PLXNA3: variants seen among roughly 807,000 people sequenced by gnomAD.
PLXNA3 encodes the protein plexin-A3.
A neutral mutation model predicts 118.8 loss-of-function variants in PLXNA3; 52 were observed. The ratio of observed to expected loss-of-function variants is 0.44; its 90% confidence interval spans 0.35 to 0.55. The LOEUF is 0.55. Ranked by LOEUF, PLXNA3 falls within the 20% of genes least tolerant of loss-of-function variation. The pLI, the probability that PLXNA3 is intolerant of heterozygous loss-of-function variation, is 0.01. For missense variants in PLXNA3, 1,660 were observed against 1,730.8 expected, an observed-to-expected ratio of 0.96 and a Z score of 0.73; for synonymous variants, 925 against 762.4, an observed-to-expected ratio of 1.21 and a Z score of -3.51.
chrX:154,469,290 C>A, intron 26 of PLXNA3, 75 bp downstream of exon 26: 1 of 1,156,976 alleles, frequency 8.6e-7, no homozygotes, highest in African/African-American at 1.8e-5. Context: ...GGCTCTCCCG[C>A]TCCCCACCTG....
intron 3 of PLXNA3, among the ~76,000 whole-genome samples, 197 bp from the exon 4 acceptor site, chrX:154,461,931 C>T (rs1557204775): frequency 8.9e-6 from 1 of 112,394 alleles, no homozygotes; most frequent in Non-Finnish European, 1.9e-5. Context: ...CCAGGCTTCG[C>T]TCCTCGCTCC....
chrX:154,461,674 C>T, intron 3 of PLXNA3, 36 bp downstream of exon 3: 1 of 1,130,748 alleles, frequency 8.8e-7, no homozygotes, highest in Non-Finnish European at 1.2e-6. Flanking sequence ...GTCCTCTGCC[C>T]TGTCCCAGGT....
Position 154,462,141 on chromosome X carries a change from A to C in PLXNA3, c.1148A>C (p.Asn383Thr), listed in dbSNP as rs1557204906. 8.4e-7 allele frequency: 1 copy of C among 1,194,078 alleles called. No individual in the cohort carries two copies. Among genetic ancestry groups the C allele is most frequent in the South Asian group, 1.8e-5 (1 of 54,965 alleles). Reference sequence around the variant, plus strand: ...CTGTTTCACCAGCCCATGCAGATCAACGGCAACTTCTGTGGGCTGGTGTTG... The same window carrying C: ...CTGTTTCACCAGCCCATGCAGATCACCGGCAACTTCTGTGGGCTGGTGTTG... ...LPCINTPMQI[N>T]GNFCGLVLNQ... The change falls in exon 4 of 33, where the codon AAC becomes ACC. Residue 383 changes from asparagine (N) to threonine (T), a missense_variant. Physicochemically the swap from Asn to Thr is moderately conservative, Grantham distance 65. Coordinates refer to ENST00000369682, the MANE Select transcript of PLXNA3 (RefSeq NM_017514.5).
Position 154,464,821 on chromosome X carries a change from C to T in PLXNA3, c.1996C>T (p.Arg666Cys), listed in dbSNP as rs781857058. 7.6e-5 allele frequency: 92 copies of T among 1,206,485 alleles called. 1 individual carries two copies. The highest frequency in any genetic ancestry group is 2.9e-4 in the South Asian group (16 of 56,121). ...WCKYRHTCTS[R>C]PHECSFQEGR... ...TAAGTACCGCCACACGTGTACCAGC[C>T]GCCCCCACGAGTGCTCCTTCCAGGA... Residue 666 changes from arginine to cysteine, a missense_variant, in exon 10 of 33, where the codon CGC becomes TGC. Arg to Cys is a radical substitution (Grantham distance 180). This residue lies in a region of PLXNA3 where 791 missense variants were observed against 652.1 expected (regional missense o/e 1.21). Coordinates refer to ENST00000369682, the MANE Select transcript of PLXNA3 (RefSeq NM_017514.5).
chrX:154,475,653 C>G lies in PLXNA3; in HGVS notation c.*2968C>G, dbSNP rs943769527. 1 of 112,259 alleles carries G rather than the reference C, an allele frequency of 8.9e-6. No individual in the cohort carries two copies. The highest frequency in any genetic ancestry group is 1.9e-5 in the Non-Finnish European group (1 of 53,222). 9.3% of individuals were successfully genotyped at this position (112,259 alleles called of 1,213,427 possible). ...CGTGTGAGGCAGGACTGGATTGTAG[C>G]CCAGGATAAAGAGAAGTTGCGGGAT... On this transcript the variant is annotated 3_prime_UTR_variant, in exon 33 of 33. Coordinates refer to ENST00000369682, the MANE Select transcript of PLXNA3 (RefSeq NM_017514.5).
rs782162992 is a variant in PLXNA3 at position 154,470,840 on chromosome X, T to G, written c.5156+229T>G. The G allele has an allele frequency of 4.6e-4, 207 of 447,772 alleles. 2 individuals are homozygous for G. The highest frequency in any genetic ancestry group is 2.3e-3 in the South Asian group (70 of 30,132). The allele number at this position is 447,772 out of a possible 1,213,427, so 36.9% of individuals were successfully genotyped here. ...TGGTGGTGGTGAGGCCTTTGCCCTC[T>G]GGGGTCTTGCACCAGGTAGAGATGC... On this transcript the variant is annotated intron_variant, in intron 30 of 32. Transcript: ENST00000369682.
intron 3 of PLXNA3, among the ~76,000 whole-genome samples, 188 bp downstream of exon 3, chrX:154,461,826 G>A (rs781997555): frequency 8.9e-6 from 1 of 112,044 alleles, no homozygotes; most frequent in Non-Finnish European, 1.9e-5. Flanking sequence ...GGGCTGCCCA[G>A]TGCCCCACTT....
intron 5 of PLXNA3, 30 bp from the exon 6 acceptor site, chrX:154,463,560 T>TTGGGGGGGGGGGGGG: frequency 1.6e-6 from 1 of 630,307 alleles, no homozygotes; most frequent in Non-Finnish European, 2.3e-6. Context: ...GGGGCGGGGG[T>TTGGGGGGGGGGGGGG]GGGCTGGGTG....
chrX:154,459,172 C>T (rs1383133593), intron 1 of PLXNA3, among the ~76,000 whole-genome samples: 1 of 108,964 alleles, frequency 9.2e-6, no homozygotes, highest in African/African-American at 3.3e-5. Context: ...CCGCTCCCCC[C>T]CCGCCTCCCG....
rs2069111020 is a variant in PLXNA3 at position 154,467,625 on chromosome X, C to T, written c.3522C>T (p.Leu1174=). The T allele has an allele frequency of 8.3e-7, 1 of 1,210,073 alleles. No individual in the cohort carries two copies. Among genetic ancestry groups the T allele is most frequent in the Non-Finnish European group, 1.1e-6 (1 of 895,066 alleles). ...TGATAGGAGGCCAGCCGTGTTCGCT[C>T]ACTGTCTCGGACACACAACTCCTGT... The part of the protein sequence containing the change: ...TVLIGGQPCS[L]TVSDTQLLCD... Residue 1174 remains leucine (L), a synonymous_variant, in exon 20 of 33, where the codon CTC becomes CTT. Transcript: ENST00000369682.
chrX:154,475,773 A>G lies in PLXNA3; in HGVS notation c.*3088A>G, dbSNP rs1557210780. 1.8e-5 allele frequency: 2 copies of G among 112,177 alleles called. No homozygotes were observed. The highest frequency in any genetic ancestry group is 3.7e-4 in the South Asian group (1 of 2,732). The allele number at this position is 112,177 out of a possible 1,213,427, so 9.2% of individuals were successfully genotyped here. On this transcript the variant is annotated 3_prime_UTR_variant, in exon 33 of 33. Transcript: ENST00000369682. ...ATACTACCATCATATGATAATGACA[A>G]CTAAGCCACAGGAAAACAAGGCAGT... is the stretch of plus-strand genomic sequence containing the variant.
Position 154,466,532 on chromosome X carries a change from G to A in PLXNA3, c.2936+20G>A. 1 of 1,200,990 alleles carries A rather than the reference G, an allele frequency of 8.3e-7. No homozygotes were observed. The highest frequency in any genetic ancestry group is 1.1e-6 in the Non-Finnish European group (1 of 889,809). On this transcript the variant is annotated intron_variant, in intron 16 of 32. Transcript: ENST00000369682. ...TGTAAGGTGGGCCGGGGCCCTGCCA[G>A]CTTTGGGTTGGGCATCGTGTGGGGG...
At position 154,467,483 on chromosome X, in the gene PLXNA3, G is replaced by C. The variant is rs368128330; in HGVS notation, c.3441+12G>C. 2.6e-6 allele frequency: 3 copies of C among 1,156,227 alleles called. No individual in the cohort carries two copies. Reference sequence around the variant, plus strand: ...ACGTGGTGCTGAAGGTGCGGGCGGGGTGGGGGCGGGGAGGGGCGGGAAAGT... The same window carrying C: ...ACGTGGTGCTGAAGGTGCGGGCGGGCTGGGGGCGGGGAGGGGCGGGAAAGT... On this transcript the variant is annotated intron_variant, in intron 19 of 32. Coordinates refer to ENST00000369682, the MANE Select transcript of PLXNA3 (RefSeq NM_017514.5).
At position 154,461,302 on chromosome X, in the gene PLXNA3, C is replaced by T. The variant is rs188710474; in HGVS notation, c.798C>T (p.Cys266=). The change falls in exon 3 of 33, where the codon TGC becomes TGT. Residue 266 remains cysteine (C), a synonymous_variant. Coordinates refer to ENST00000369682, the MANE Select transcript of PLXNA3 (RefSeq NM_017514.5). ...KFFTSKIVRM[C]AGDSEFYSYV... is the part of the protein sequence containing the mutation. ...TCACGTCCAAGATCGTGCGCATGTG[C>T]GCGGGAGACTCAGAGTTCTACTCAT... The T allele has an allele frequency of 2.4e-4, 293 of 1,211,519 alleles. No homozygotes were observed. Among genetic ancestry groups the T allele is most frequent in the South Asian group, 5.4e-4 (31 of 57,012 alleles).
Position 154,463,586 on chromosome X carries a change from C to A in PLXNA3, c.1447-4C>A. On this transcript the variant is annotated splice_region_variant and splice_polypyrimidine_tract_variant and intron_variant, in intron 5 of 32. Transcript: ENST00000369682. Reference sequence around the variant, plus strand: ...GGGCTGGGTGCTGATGTGGCTGTCCCCAGGTGAGCCAGCTCCCGGTGGAGA... The same window carrying A: ...GGGCTGGGTGCTGATGTGGCTGTCCACAGGTGAGCCAGCTCCCGGTGGAGA... 8.4e-7 allele frequency: 1 copy of A among 1,191,764 alleles called. No homozygotes were observed. Among genetic ancestry groups the A allele is most frequent in the Non-Finnish European group, 1.1e-6 (1 of 886,773 alleles).
intron 1 of PLXNA3, among the ~76,000 whole-genome samples, chrX:154,459,896 AGTTCCAGCATCTGCTCTGCTACCC>A (rs2068910051): frequency 3.5e-5 from 4 of 113,128 alleles, no homozygotes; most frequent in African/African-American, 1.3e-4. Flanking sequence ...CTGGGGTCCC[AGTTCCAGCATCTGCTCTGCTACCC>A]CCTTGGGTGT....
Position 154,476,947 on chromosome X carries a change from G to C in PLXNA3, c.*4262G>C, listed in dbSNP as rs1259849991. On this transcript the variant is annotated 3_prime_UTR_variant, in exon 33 of 33. Coordinates refer to ENST00000369682, the MANE Select transcript of PLXNA3 (RefSeq NM_017514.5). ...ACCAGAGAGAAGAGAGCTGCACAGG[G>C]AAAGAACCCTGGATATCCACAGAGG... 8.9e-6 allele frequency: 1 copy of C among 111,979 alleles called. No homozygotes were observed. Among genetic ancestry groups the C allele is most frequent in the Non-Finnish European group, 1.9e-5 (1 of 53,196 alleles). The allele number at this position is 111,979 out of a possible 1,213,427, so 9.2% of individuals were successfully genotyped here.
rs782163370 is a variant in PLXNA3, at chrX:154,464,744, T to TC, written c.1929-3dup. The TC allele has an allele frequency of 2.2e-5, 24 of 1,112,581 alleles. No homozygotes were observed. The highest frequency in any genetic ancestry group is 1.9e-5 in the Non-Finnish European group (16 of 827,650). The allele number at this position is 1,112,581 out of a possible 1,213,427, so 91.7% of individuals were successfully genotyped here. On this transcript the variant is annotated splice_polypyrimidine_tract_variant and intron_variant, in intron 9 of 32. Transcript: ENST00000369682. ...CTCCTCTGTTATTTCTGAAGCCACT[T>TC]CCCCCCCAGGTGCATGTCCTGTGTT...
At chrX:154,470,252 C>A in intron 29 of PLXNA3, 85 bp downstream of exon 29, 1 of 1,023,561 alleles carries the variant, frequency 9.8e-7, no homozygotes, top group South Asian at 2.2e-5. Flanking sequence ...CATTTGCTTC[C>A]AGTGGGCCTT....
Sources: gnomAD v4.1 joint callset for allele counts (sites outside exome capture counted in the v4.1 genomes callset) on GRCh38, gnomAD v4.1.1 for gene constraint, gnomAD v4.1.1 regional missense constraint, MANE v1.5 for transcripts, NCBI Gene and HGNC (gene_info 2026-07-23, HGNC 2026-07-21) for gene names.